ARHGAP31: variants seen among roughly 807,000 people sequenced by gnomAD.
The protein encoded by ARHGAP31 is Rho GTPase activating protein 31, also known as rho GTPase-activating protein 31.
ARHGAP31 carries 34 observed loss-of-function variants against 113.9 expected under a neutral mutation model. That is an observed-to-expected ratio of 0.30 (90% confidence interval 0.23 to 0.40). ARHGAP31 has a LOEUF of 0.40. Ranked by LOEUF, ARHGAP31 falls within the 10% of genes least tolerant of loss-of-function variation. The pLI is 1.00. For synonymous variants in ARHGAP31, 650 were observed against 684.8 expected, an observed-to-expected ratio of 0.95 and a Z score of 0.79; for missense variants, 1,548 against 1,767.1, an observed-to-expected ratio of 0.88 and a Z score of 2.22.
At chr3:119,380,847 A>G in intron 3 of ARHGAP31, 57 bp from the exon 4 acceptor site, 1 of 1,444,284 alleles carries the variant, frequency 6.9e-7, no homozygotes, top group African/African-American at 1.4e-5. Flanking sequence ...CAGCACATGC[A>G]GATGGCTGTC....
intron 3 of ARHGAP31, among the ~76,000 whole-genome samples, chr3:119,376,341 T>C (rs1387611304): frequency 1.3e-5 from 2 of 152,022 alleles, no homozygotes; most frequent in African/African-American, 4.8e-5. Flanking sequence ...ATACAAAAAT[T>C]ATTCGGGCAT....
chr3:119,415,586 G>T lies in ARHGAP31; in HGVS notation c.3657G>T (p.Gln1219His), dbSNP rs1577037583. The T allele has an allele frequency of 1.2e-6, 2 of 1,614,032 alleles. No individual in the cohort carries two copies. Among genetic ancestry groups the T allele is most frequent in the African/African-American group, 2.7e-5 (2 of 74,900 alleles). The change falls in exon 12 of 12, where the codon CAG (glutamine) becomes CAT (histidine). Residue 1219 changes from glutamine to histidine, a missense_variant. Gln to His is a conservative substitution (Grantham distance 24). Transcript: ENST00000264245. Reference protein sequence around the residue: ...YTQIPQPLPSQSSGENGVQPL... With the variant: ...YTQIPQPLPSHSSGENGVQPL... ...AGATCCCACAGCCCCTGCCCTCTCA[G>T]AGCTCAGGGGAGAATGGGGTTCAGC...
chr3:119,367,381 A>T (rs565058697), intron 2 of ARHGAP31, among the ~76,000 whole-genome samples: 1 of 152,318 alleles, frequency 6.6e-6, no homozygotes. Context: ...ATTAATACAT[A>T]CTATTTGAGG....
intron 1 of ARHGAP31, among the ~76,000 whole-genome samples, chr3:119,300,116 T>C (rs1025380819): frequency 6.6e-5 from 10 of 152,216 alleles, no homozygotes; most frequent in African/African-American, 2.2e-4. Context: ...ACTTTGCTTG[T>C]TCCCAGCTGA....
At chr3:119,382,098 C>T (rs997167973) in intron 4 of ARHGAP31, among the ~76,000 whole-genome samples, 194 bp from the exon 5 acceptor site, 2 of 152,136 alleles carry the variant, frequency 1.3e-5, no homozygotes, top group African/African-American at 2.4e-5. Context: ...AAATGGACCC[C>T]CTTCCCCACC....
chr3:119,379,019 C>T (rs1447022098), intron 3 of ARHGAP31, among the ~76,000 whole-genome samples: 1 of 152,184 alleles, frequency 6.6e-6, no homozygotes, highest in Non-Finnish European at 1.5e-5. Context: ...CCTCAAGATT[C>T]CCACATAGAG....
intron 5 of ARHGAP31, 96 bp downstream of exon 5, chr3:119,382,495 A>C: frequency 8.1e-7 from 1 of 1,233,998 alleles, no homozygotes; most frequent in Non-Finnish European, 1.2e-6. Flanking sequence ...AAGCCCCTTT[A>C]AAACAAATCT....
At chr3:119,396,308 T>G (rs898972669) in intron 8 of ARHGAP31, among the ~76,000 whole-genome samples, 1 of 152,162 alleles carries the variant, frequency 6.6e-6, no homozygotes, top group South Asian at 2.1e-4. Context: ...TATTGGTAAT[T>G]TTCTAAAAGC....
At chr3:119,407,853 C>A (rs2080678286) in intron 10 of ARHGAP31, among the ~76,000 whole-genome samples, 1 of 152,122 alleles carries the variant, frequency 6.6e-6, no homozygotes. Context: ...ATACAGTGGG[C>A]CCTCGACAGT....
At chr3:119,388,509 G>T (rs1348246849) in intron 6 of ARHGAP31, among the ~76,000 whole-genome samples, 6 of 152,128 alleles carry the variant, frequency 3.9e-5, no homozygotes, top group African/African-American at 1.4e-4. Context: ...TCCAGCTCCT[G>T]TGTGGAGGAG....
rs200063238 is a variant in ARHGAP31 at position 119,390,868 on chromosome 3, C to T, written c.766C>T (p.Arg256Cys). The T allele has an allele frequency of 4.4e-5, 71 of 1,613,858 alleles. No individual in the cohort carries two copies. The highest frequency in any genetic ancestry group is 1.7e-4 in the Middle Eastern group (1 of 5,900). Residue 256 changes from arginine (R) to cysteine (C), a missense_variant, in exon 7 of 12, where the codon CGC becomes TGC. Arg to Cys is a radical substitution (Grantham distance 180). Transcript: ENST00000264245. ...KLVSLEEAQARSLATNHPARK... is the reference protein window; with the variant it reads ...KLVSLEEAQACSLATNHPARK... ...GGTGAGCCTTGAGGAAGCTCAAGCC[C>T]GCAGCCTGGCCACTAACCATCCTGC...
At position 119,402,231 on chromosome 3, in the gene ARHGAP31, T is replaced by G. The variant is rs1325322959; in HGVS notation, c.1479T>G (p.Ser493=). The G allele has an allele frequency of 6.2e-7, 1 of 1,614,276 alleles. No homozygotes were observed. The highest frequency in any genetic ancestry group is 1.1e-5 in the South Asian group (1 of 91,090). Residue 493 remains serine, a synonymous_variant, in exon 10 of 12, where the codon TCT becomes TCG. Coordinates refer to ENST00000264245, the MANE Select transcript of ARHGAP31 (RefSeq NM_020754.4). ...ALNISEPFAV[S]VPLRVSAVIS... ...ACATCTCCGAGCCCTTTGCGGTATC[T>G]GTGCCGCTCCGCGTGTCCGCAGTCA...
At chr3:119,400,337 G>A (rs1036469739) in intron 9 of ARHGAP31, among the ~76,000 whole-genome samples, 2 of 152,044 alleles carry the variant, frequency 1.3e-5, no homozygotes, top group African/African-American at 2.4e-5. Context: ...TCAGGAAGCC[G>A]AGGCACAAGA....
chr3:119,330,976 G>T (rs1049076412), intron 1 of ARHGAP31, among the ~76,000 whole-genome samples: 1 of 152,168 alleles, frequency 6.6e-6, no homozygotes, highest in African/African-American at 2.4e-5. Flanking sequence ...CTTATCAATG[G>T]CTCCTTCAGA....
At chr3:119,298,939 G>A in intron 1 of ARHGAP31, 1 of 228,582 alleles carries the variant, frequency 4.4e-6, no homozygotes, top group Non-Finnish European at 9.1e-6. Context: ...CGTGAAGCCT[G>A]CAAGGACCAA....
At chr3:119,369,525 C>T (rs572002893) in intron 3 of ARHGAP31, among the ~76,000 whole-genome samples, 1 of 152,274 alleles carries the variant, frequency 6.6e-6, no homozygotes, top group South Asian at 2.1e-4. Context: ...GGGAACCTTT[C>T]TCATGGCTCC....
intron 1 of ARHGAP31, among the ~76,000 whole-genome samples, chr3:119,331,809 G>A (rs1683830708): frequency 1.3e-5 from 2 of 152,078 alleles, no homozygotes; most frequent in South Asian, 4.1e-4. Flanking sequence ...AACCTCATAG[G>A]GCAGCTAATC....
At chr3:119,371,613 C>T (rs933104685) in intron 3 of ARHGAP31, among the ~76,000 whole-genome samples, 1 of 152,178 alleles carries the variant, frequency 6.6e-6, no homozygotes, top group Admixed American at 6.5e-5. Context: ...CTATAGTTTA[C>T]TCAAACCTAC....
intron 1 of ARHGAP31, among the ~76,000 whole-genome samples, chr3:119,302,157 T>C (rs1430451567): frequency 2.0e-5 from 3 of 152,254 alleles, no homozygotes; most frequent in African/African-American, 7.2e-5. Context: ...AATGACACTC[T>C]TGAGTTGAAC....
Sources: gnomAD v4.1 joint callset for allele counts (sites outside exome capture counted in the v4.1 genomes callset) on GRCh38, gnomAD v4.1.1 for gene constraint, MANE v1.5 for transcripts, NCBI Gene and HGNC (gene_info 2026-07-23, HGNC 2026-07-21) for gene names.